Variants in PDLIM5 observed in about 807,000 individuals in gnomAD.
PDLIM5 encodes the protein PDZ and LIM domain protein 5.
A neutral mutation model predicts 64.2 loss-of-function variants in PDLIM5; 34 were observed. That is an observed-to-expected ratio of 0.53 (90% CI 0.40 to 0.71). PDLIM5 has a LOEUF of 0.71. Among genes scored for constraint, PDLIM5 ranks in the 30% least tolerant of loss-of-function variants. The pLI, the probability that PDLIM5 is intolerant of heterozygous loss-of-function variation, is 0.00. For synonymous variants in PDLIM5, 253 were observed against 269.1 expected, an observed-to-expected ratio of 0.94 and a Z score of 0.59; for missense variants, 683 against 733.6, an observed-to-expected ratio of 0.93 and a Z score of 0.80.
In PDLIM5 at chr4:94,666,023, A is replaced by G. The variant is rs748185033; in HGVS notation, c.*1956A>G. On this transcript the variant is annotated 3_prime_UTR_variant, in exon 13 of 13. Transcript: ENST00000317968. ...TGATTTGGTTTTTCTCTTTGTTTCC[A>G]GAATGGATGAAAGTCCATGAACCTC... The G allele has an allele frequency of 4.5e-5, 69 of 1,534,072 alleles. No homozygotes were observed. In the South Asian group the frequency reaches 7.7e-4, roughly 17 times the overall value.
chr4:94,618,137 G>A lies in PDLIM5; in HGVS notation c.1054G>A (p.Val352Ile), dbSNP rs368387152. ...SLTAAAAFKPVGSTGVIKSPS... is the reference protein window; with the variant it reads ...SLTAAAAFKPIGSTGVIKSPS... ...CACAGCTGCAGCTGCCTTCAAGCCT[G>A]TAGGATCCACTGGCGTCATCAAGTC... The change falls in exon 8 of 13, where the codon GTA (valine) becomes ATA (isoleucine). Residue 352 changes from valine to isoleucine, a missense_variant. By Grantham distance (29) the Val-to-Ile change is conservative. Coordinates refer to ENST00000317968, the MANE Select transcript of PDLIM5 (RefSeq NM_006457.5). 1.9e-6 allele frequency: 3 copies of A among 1,611,552 alleles called. No homozygotes were observed. The highest frequency in any genetic ancestry group is 2.7e-5 in the African/African-American group (2 of 74,780).
intron 8 of PDLIM5, among the ~76,000 whole-genome samples, chr4:94,620,661 A>G (rs1454744905): frequency 6.6e-6 from 1 of 152,124 alleles, no homozygotes; most frequent in Admixed American, 6.5e-5. Context: ...GTGTTTAAAT[A>G]TATTAGATAC....
chr4:94,592,155 G>A (rs962498374), intron 7 of PDLIM5, among the ~76,000 whole-genome samples: 7 of 152,194 alleles, frequency 4.6e-5, no homozygotes, highest in Non-Finnish European at 8.8e-5. Flanking sequence ...TAATGAGCAA[G>A]CAAATGTATT....
At chr4:94,582,676 C>G in intron 5 of PDLIM5, 1 of 1,469,920 alleles carries the variant, frequency 6.8e-7, no homozygotes, top group South Asian at 1.2e-5. Flanking sequence ...GTCTTCTCTA[C>G]TCTATCGCAT....
intron 9 of PDLIM5, among the ~76,000 whole-genome samples, chr4:94,645,907 TTGAA>T (rs1356171675): frequency 2.0e-5 from 3 of 152,164 alleles, no homozygotes; most frequent in Non-Finnish European, 4.4e-5. Context: ...TTCGTAGTGT[TTGAA>T]TGAGAAAGAA....
chr4:94,611,224 A>AT, intron 7 of PDLIM5: 1 of 1,528,454 alleles, frequency 6.5e-7, no homozygotes. Context: ...AGATATGGCA[A>AT]GTGGTGGTTC....
intron 2 of PDLIM5, among the ~76,000 whole-genome samples, chr4:94,512,371 G>T (rs1728964244): frequency 6.6e-6 from 1 of 152,060 alleles, no homozygotes. Context: ...CCATAGTGTT[G>T]TACTAATTTA....
chr4:94,480,802 G>T (rs1725780610), intron 2 of PDLIM5, among the ~76,000 whole-genome samples: 2 of 152,274 alleles, frequency 1.3e-5, no homozygotes, highest in East Asian at 3.9e-4. Flanking sequence ...GCAGGGAAAA[G>T]ATATGAGTGA....
At chr4:94,533,094 C>A (rs1342531535) in intron 3 of PDLIM5, among the ~76,000 whole-genome samples, 1 of 152,154 alleles carries the variant, frequency 6.6e-6, no homozygotes, top group African/African-American at 2.4e-5. Context: ...AATCAGCAGA[C>A]ATAGAAAATA....
chr4:94,587,882 A>G (rs1736367113), intron 7 of PDLIM5: 1 of 883,238 alleles, frequency 1.1e-6, no homozygotes, highest in Non-Finnish European at 1.4e-6. Context: ...AATCAGAAGA[A>G]CATAAAATAA....
At chr4:94,573,733 C>T (rs1735006810) in intron 4 of PDLIM5, 1 of 270,050 alleles carries the variant, frequency 3.7e-6, no homozygotes, top group East Asian at 7.7e-5. Context: ...ATTAATATCA[C>T]AATAAGTCTT....
chr4:94,481,503 C>T lies in PDLIM5; in HGVS notation c.96+26119C>T, dbSNP rs571719423. 3.5e-4 allele frequency among the ~76,000 whole-genome samples: 53 copies of T among 151,040 alleles called. No homozygotes were observed. In the South Asian group the frequency reaches 5.2e-3, roughly 15 times the overall value. On this transcript the variant is annotated intron_variant, in intron 2 of 12. Coordinates refer to ENST00000317968, the MANE Select transcript of PDLIM5 (RefSeq NM_006457.5). ...TTCACCGTGTTGGCCAGGCTGATCT[C>T]GATCTCCTGACCTCGTGATCTGCCT...
intron 2 of PDLIM5, among the ~76,000 whole-genome samples, chr4:94,512,599 A>AT (rs1376095538): frequency 6.9e-6 from 1 of 143,944 alleles, no homozygotes; most frequent in Non-Finnish European, 1.5e-5. Flanking sequence ...TCTTTTGCCA[A>AT]TTTTTTTATT....
intron 2 of PDLIM5, among the ~76,000 whole-genome samples, chr4:94,492,300 T>C (rs1726950939): frequency 6.6e-6 from 1 of 151,864 alleles, no homozygotes; most frequent in Non-Finnish European, 1.5e-5. Context: ...CTTTTTTTTT[T>C]CTCTCCCCAT....
At chr4:94,647,055 T>C (rs933723012) in intron 9 of PDLIM5, among the ~76,000 whole-genome samples, 4 of 152,202 alleles carry the variant, frequency 2.6e-5, no homozygotes, top group African/African-American at 9.7e-5. Flanking sequence ...CTGATGACTT[T>C]GATTCCTCTT....
intron 3 of PDLIM5, among the ~76,000 whole-genome samples, chr4:94,556,623 T>C (rs1483905136): frequency 6.6e-6 from 1 of 152,216 alleles, no homozygotes; most frequent in Non-Finnish European, 1.5e-5. Flanking sequence ...TGATATCTCA[T>C]TGTGGTTTTG....
At chr4:94,564,924 G>A (rs1284007853) in intron 3 of PDLIM5, among the ~76,000 whole-genome samples, 1 of 151,782 alleles carries the variant, frequency 6.6e-6, no homozygotes, top group Non-Finnish European at 1.5e-5. Flanking sequence ...CCAAAGTGCT[G>A]GGATTACAGG....
chr4:94,541,343 T>C (rs1731789425), intron 3 of PDLIM5, among the ~76,000 whole-genome samples: 1 of 152,254 alleles, frequency 6.6e-6, no homozygotes, highest in African/African-American at 2.4e-5. Context: ...TGGCATTTTC[T>C]GCAAACTTAC....
rs779412923 is a variant in PDLIM5 at position 94,575,730 on chromosome 4, T to C, written c.406T>C (p.Ser136Pro). 3 of 1,614,090 alleles carry C rather than the reference T, an allele frequency of 1.9e-6. No homozygotes were observed. The Admixed American group carries it at 5.0e-5, about 27-fold the overall frequency. Residue 136 changes from serine to proline, a missense_variant, in exon 5 of 13, where the codon TCT (serine) becomes CCT (proline). Transcript: ENST00000317968. Reference sequence around the variant, plus strand: ...GGCACCACGGCCTTTTGGTTCTGTGTCTTCACCAAAAGTCACATCCATCCC... The same window carrying C: ...GGCACCACGGCCTTTTGGTTCTGTGCCTTCACCAAAAGTCACATCCATCCC... The part of the protein sequence containing the change: ...NKAPRPFGSV[S>P]SPKVTSIPSP...
Sources: allele counts gnomAD v4.1 joint callset (sites outside exome capture counted in the v4.1 genomes callset), GRCh38; gene constraint gnomAD v4.1.1; transcripts MANE v1.5; gene names NCBI Gene and HGNC (gene_info 2026-07-23, HGNC 2026-07-21).